Variants in AP2B1 observed in about 807,000 individuals in gnomAD.
The protein encoded by AP2B1 is AP-2 complex subunit beta.
A neutral mutation model predicts 102.0 loss-of-function variants in AP2B1; 23 were observed. That is an observed-to-expected ratio of 0.23 (90% CI 0.16 to 0.32). The LOEUF is 0.32. Ranked by LOEUF, AP2B1 falls within the 10% of genes least tolerant of loss-of-function variation. The pLI is 1.00. For synonymous variants in AP2B1, 381 were observed against 421.2 expected, an observed-to-expected ratio of 0.90 and a Z score of 1.17; for missense variants, 541 against 1,157.4, an observed-to-expected ratio of 0.47 and a Z score of 7.73.
chr17:35,664,564 T>C (rs1363391567), intron 14 of AP2B1, among the ~76,000 whole-genome samples: 1 of 152,218 alleles, frequency 6.6e-6, no homozygotes, highest in Admixed American at 6.5e-5. Flanking sequence ...ACTTCAAGAT[T>C]GTCTCCCAGG....
chr17:35,599,052 G>A (rs964627010), intron 3 of AP2B1, among the ~76,000 whole-genome samples: 5 of 152,182 alleles, frequency 3.3e-5, no homozygotes, highest in African/African-American at 7.2e-5. Flanking sequence ...AACACCATGT[G>A]CTAAAAAAGA....
chr17:35,636,327 AT>A lies in AP2B1; in HGVS notation c.1156-9del. The A allele has an allele frequency of 6.3e-7, 1 of 1,597,040 alleles. No homozygotes were observed. ...GATCATCTGACTTCTCATTTTTTGT[AT>A]TTTTCTTCCCAGCAATCTGCAGAGC... On this transcript the variant is annotated splice_polypyrimidine_tract_variant and intron_variant, in intron 9 of 21. Coordinates refer to ENST00000610402, the MANE Select transcript of AP2B1 (RefSeq NM_001030006.2).
chr17:35,721,402 T>C (rs1555593097), intron 21 of AP2B1, among the ~76,000 whole-genome samples: 1 of 152,150 alleles, frequency 6.6e-6, no homozygotes, highest in African/African-American at 2.4e-5. Flanking sequence ...CATAAGGAAT[T>C]AGCAGTTGGA....
intron 18 of AP2B1, among the ~76,000 whole-genome samples, chr17:35,690,563 C>T (rs888492139): frequency 1.2e-4 from 19 of 152,172 alleles, no homozygotes; most frequent in African/African-American, 4.6e-4. Context: ...AAGAGCTGTC[C>T]AGCAGTATAG....
rs587711275 is a variant in AP2B1 at position 35,682,900 on chromosome 17, C to T, written c.2454+76C>T. ...TTATTATTATTATTATTTTTAAAGA[C>T]ACAGTCTTACTCTGTTGCCCAGGCT... On this transcript the variant is annotated intron_variant, in intron 18 of 21. Coordinates refer to ENST00000610402, the MANE Select transcript of AP2B1 (RefSeq NM_001030006.2). 3,839 of 1,364,418 alleles carry T rather than the reference C, an allele frequency of 2.8e-3. 3 individuals are homozygous for T. Among genetic ancestry groups the T allele is most frequent in the Non-Finnish European group, 3.5e-3 (3,519 of 1,016,662 alleles). The allele number at this position is 1,364,418 out of a possible 1,614,324, so 84.5% of individuals were successfully genotyped here.
At chr17:35,692,964 C>T (rs1489455688) in intron 18 of AP2B1, among the ~76,000 whole-genome samples, 2 of 145,714 alleles carry the variant, frequency 1.4e-5, no homozygotes, top group Admixed American at 7.1e-5. Flanking sequence ...AACCCTGTTA[C>T]GGAGTTGTTT....
At chr17:35,628,464 G>A (rs909704589) in intron 9 of AP2B1, among the ~76,000 whole-genome samples, 50 of 152,312 alleles carry the variant, frequency 3.3e-4, no homozygotes, top group African/African-American at 1.2e-3. Context: ...TTAGCTGGGT[G>A]TGGTGGCACA....
intron 5 of AP2B1, among the ~76,000 whole-genome samples, chr17:35,623,849 G>A (rs2074247835): frequency 6.6e-6 from 1 of 152,148 alleles, no homozygotes; most frequent in Non-Finnish European, 1.5e-5. Flanking sequence ...CTCGTTTTCA[G>A]ATGAAGAAAC....
chr17:35,672,597 A>G (rs2075612171), intron 16 of AP2B1, among the ~76,000 whole-genome samples: 1 of 152,244 alleles, frequency 6.6e-6, no homozygotes, highest in African/African-American at 2.4e-5. Flanking sequence ...CCAGTTGTCC[A>G]TTCCAGGAGT....
chr17:35,653,229 T>G (rs1432080015), intron 13 of AP2B1, among the ~76,000 whole-genome samples: 5 of 152,188 alleles, frequency 3.3e-5, no homozygotes, highest in Admixed American at 3.3e-4. Flanking sequence ...TAATAAAACC[T>G]TATGCTTCAG....
chr17:35,598,084 G>A (rs182257391), intron 2 of AP2B1, 146 bp from the exon 3 acceptor site: 90 of 387,352 alleles, frequency 2.3e-4, no homozygotes, highest in African/African-American at 1.7e-3. Context: ...TAATATTCTA[G>A]GGCTTTGAAT....
At chr17:35,711,365 G>A (rs1470874317) in intron 20 of AP2B1, among the ~76,000 whole-genome samples, 1 of 151,496 alleles carries the variant, frequency 6.6e-6, no homozygotes, top group Non-Finnish European at 1.5e-5. Flanking sequence ...CATTGCAGCT[G>A]GAGCATAGCA....
intron 9 of AP2B1, among the ~76,000 whole-genome samples, chr17:35,630,017 CAG>C (rs1252218825): frequency 1.3e-5 from 2 of 152,198 alleles, no homozygotes; most frequent in Non-Finnish European, 2.9e-5. Context: ...TGCCTAGAGT[CAG>C]AGGATTGGAC....
intron 14 of AP2B1, among the ~76,000 whole-genome samples, chr17:35,669,957 ATG>A (rs2075551609): frequency 3.3e-5 from 5 of 152,336 alleles, no homozygotes; most frequent in African/African-American, 1.2e-4. Flanking sequence ...AGTTGTGTTT[ATG>A]TGTGTTTTAC....
intron 11 of AP2B1, among the ~76,000 whole-genome samples, chr17:35,640,261 A>C (rs1201147145): frequency 8.5e-6 from 1 of 117,024 alleles, no homozygotes; most frequent in Non-Finnish European, 1.7e-5. Context: ...TTTTTGAGAC[A>C]GTTTCACTCT....
At chr17:35,674,381 G>A (rs915207764) in intron 17 of AP2B1, 60 bp downstream of exon 17, 27 of 1,588,546 alleles carry the variant, frequency 1.7e-5, no homozygotes, top group Non-Finnish European at 2.3e-5. Context: ...GAACCAACAA[G>A]AGAACATTCC....
intron 18 of AP2B1, among the ~76,000 whole-genome samples, chr17:35,684,274 G>A (rs1267702058): frequency 6.6e-6 from 1 of 152,106 alleles, no homozygotes; most frequent in Non-Finnish European, 1.5e-5. Flanking sequence ...CCCACTAAGA[G>A]CTTAAGATAG....
chr17:35,718,950 G>C (rs1391618066), intron 21 of AP2B1, among the ~76,000 whole-genome samples: 1 of 152,094 alleles, frequency 6.6e-6, no homozygotes, highest in Non-Finnish European at 1.5e-5. Flanking sequence ...ATTTTGTTTA[G>C]AATTCAGGTG....
chr17:35,698,839 A>C (rs1401491727), intron 18 of AP2B1, among the ~76,000 whole-genome samples: 1 of 152,012 alleles, frequency 6.6e-6, no homozygotes, highest in Non-Finnish European at 1.5e-5. Flanking sequence ...TGTGCTTTGG[A>C]CTCCCATTTG....
Sources: allele counts gnomAD v4.1 joint callset (sites outside exome capture counted in the v4.1 genomes callset), GRCh38; gene constraint gnomAD v4.1.1; transcripts MANE v1.5; gene names NCBI Gene and HGNC (gene_info 2026-07-23, HGNC 2026-07-21).